GAREM1: variants seen among roughly 807,000 people sequenced by gnomAD.
The protein encoded by GAREM1 is GRB2 associated regulator of MAPK1 subtype 1, also known as GRB2-associated and regulator of MAPK protein 1.
A neutral mutation model predicts 71.3 loss-of-function variants in GAREM1; 26 were observed. The ratio of observed to expected loss-of-function variants is 0.36; its 90% confidence interval spans 0.27 to 0.51. GAREM1 has a LOEUF of 0.51. Ranked by LOEUF, GAREM1 falls within the 20% of genes least tolerant of loss-of-function variation. The pLI, the probability that GAREM1 is intolerant of heterozygous loss-of-function variation, is 0.95. For missense variants in GAREM1, 1,026 were observed against 1,103.1 expected (o/e 0.93, Z 0.99); for synonymous variants, 440 against 433.2 (o/e 1.02, Z -0.20).
intron 1 of GAREM1, among the ~76,000 whole-genome samples, chr18:32,463,156 G>A (rs1198174947): frequency 2.0e-5 from 3 of 152,014 alleles, no homozygotes; most frequent in South Asian, 4.2e-4. Context: ...TGCATAATGT[G>A]TACATATACT....
intron 2 of GAREM1, among the ~76,000 whole-genome samples, chr18:32,343,088 T>C (rs770234985): frequency 2.0e-5 from 3 of 152,238 alleles, no homozygotes; most frequent in Non-Finnish European, 2.9e-5. Flanking sequence ...TAGGAACTGC[T>C]ATCTTCCCAA....
Position 32,268,009 on chromosome 18 carries a change from T to C in GAREM1, c.2493A>G (p.Ser831=), listed in dbSNP as rs2041398729. The change falls in exon 6 of 6, where the codon TCA becomes TCG. Residue 831 remains serine (S), a synonymous_variant. Transcript: ENST00000269209. ...CATCAATCTTTTCAGTAACAAAGAA[T>C]GATATGACATCTTCGGACAAACCAA... is the stretch of plus-strand genomic sequence containing the variant. ...RFIGLSEDVI[S]FFVTEKIDGN... 5 of 1,614,130 alleles carry C rather than the reference T, an allele frequency of 3.1e-6. No individual in the cohort carries two copies. The highest frequency in any genetic ancestry group is 1.6e-4 in the Middle Eastern group (1 of 6,062).
intron 2 of GAREM1, among the ~76,000 whole-genome samples, chr18:32,329,543 CA>C (rs1464886954): frequency 6.6e-6 from 1 of 150,908 alleles, no homozygotes; most frequent in Non-Finnish European, 1.5e-5. Context: ...CTGTCTCTAC[CA>C]AAAATACAAA....
At chr18:32,282,139 T>G (rs1272319898) in intron 4 of GAREM1, among the ~76,000 whole-genome samples, 1 of 152,136 alleles carries the variant, frequency 6.6e-6, no homozygotes, top group African/African-American at 2.4e-5. Flanking sequence ...TCAGCCCGCC[T>G]GCACCCAGGT....
chr18:32,370,435 A>C (rs2047966971), intron 2 of GAREM1, among the ~76,000 whole-genome samples: 2 of 152,088 alleles, frequency 1.3e-5, no homozygotes, highest in Admixed American at 6.5e-5. Context: ...AAAAAAAAAA[A>C]AAAGCGTAAG....
chr18:32,270,304 A>T lies in GAREM1; in HGVS notation c.1646T>A (p.Ile549Asn), dbSNP rs1305112927. Residue 549 changes from isoleucine to asparagine, a missense_variant, in exon 5 of 6, where the codon ATC becomes AAC. Physicochemically the swap from Ile to Asn is moderately radical, Grantham distance 149. Around this residue, in one of 3 missense-constraint regions of GAREM1, gnomAD observed 636 missense variants for 631.2 expected, o/e 1.01. Transcript: ENST00000269209. Reference protein sequence around the residue: ...SAKPLSTSPSIPPRTVKPARQ... With the variant: ...SAKPLSTSPSNPPRTVKPARQ... Reference sequence around the variant, plus strand: ...CGCTGGCTTGACTGTGCGAGGAGGGATGGAGGGACTGGTGGACAAAGGCTT... The same window carrying T: ...CGCTGGCTTGACTGTGCGAGGAGGGTTGGAGGGACTGGTGGACAAAGGCTT... 1 of 1,613,922 alleles carries T rather than the reference A, an allele frequency of 6.2e-7. No homozygotes were observed. Among genetic ancestry groups the T allele is most frequent in the South Asian group, 1.1e-5 (1 of 91,028 alleles).
intron 2 of GAREM1, among the ~76,000 whole-genome samples, chr18:32,364,022 ATATATGTTTT>A (rs2047901186): frequency 1.9e-5 from 1 of 52,104 alleles, no homozygotes; most frequent in African/African-American, 1.5e-4. Flanking sequence ...ATATATATAT[ATATATGTTTT>A]TTTTTTTTTT....
At chr18:32,431,533 C>T (rs10468833) in intron 1 of GAREM1, among the ~76,000 whole-genome samples, 32,893 of 152,028 alleles carry the variant, frequency 0.22, 4,206 homozygotes, top group East Asian at 0.38. Context: ...AAGGCTGAGG[C>T]AGGAGAATCG....
chr18:32,413,155 T>C, intron 1 of GAREM1: 2 of 1,572,006 alleles, frequency 1.3e-6, no homozygotes, highest in Non-Finnish European at 1.7e-6. Flanking sequence ...TCGGGCTCTT[T>C]AGGAGACTCT....
intron 2 of GAREM1, among the ~76,000 whole-genome samples, chr18:32,339,294 C>T (rs1464376617): frequency 6.6e-6 from 1 of 152,082 alleles, no homozygotes; most frequent in Non-Finnish European, 1.5e-5. Flanking sequence ...CCAGGTCCAC[C>T]GCCCACTGAT....
chr18:32,389,993 C>A (rs1008630697), intron 2 of GAREM1, among the ~76,000 whole-genome samples: 10 of 152,028 alleles, frequency 6.6e-5, no homozygotes, highest in African/African-American at 2.4e-4. Context: ...AAAGCGAGAA[C>A]TGGTATCTAC....
chr18:32,378,685 G>C (rs1264186292), intron 2 of GAREM1, among the ~76,000 whole-genome samples: 1 of 152,046 alleles, frequency 6.6e-6, no homozygotes, highest in Non-Finnish European at 1.5e-5. Context: ...AATACTGGCT[G>C]ACAAGAGGGT....
At chr18:32,385,102 T>C (rs988173508) in intron 2 of GAREM1, among the ~76,000 whole-genome samples, 1 of 152,118 alleles carries the variant, frequency 6.6e-6, no homozygotes, top group South Asian at 2.1e-4. Context: ...TCTAGAAAGA[T>C]TTCTCAGATT....
intron 1 of GAREM1, among the ~76,000 whole-genome samples, chr18:32,410,384 T>A (rs2048404695): frequency 6.6e-6 from 1 of 152,224 alleles, no homozygotes; most frequent in African/African-American, 2.4e-5. Flanking sequence ...AGTCTCACTC[T>A]GTTGCCCAGC....
At chr18:32,364,545 G>A (rs2047910365) in intron 2 of GAREM1, among the ~76,000 whole-genome samples, 1 of 152,100 alleles carries the variant, frequency 6.6e-6, no homozygotes, top group Non-Finnish European at 1.5e-5. Flanking sequence ...AAAGTCTGTT[G>A]TGCACAGCAC....
chr18:32,429,158 A>G (rs2048601715), intron 1 of GAREM1, among the ~76,000 whole-genome samples: 1 of 152,180 alleles, frequency 6.6e-6, no homozygotes, highest in South Asian at 2.1e-4. Flanking sequence ...TCCATCAATT[A>G]AAGGGAAATG....
At chr18:32,320,637 G>C (rs537724150) in intron 2 of GAREM1, among the ~76,000 whole-genome samples, 25 of 152,136 alleles carry the variant, frequency 1.6e-4, no homozygotes, top group Non-Finnish European at 3.7e-4. Context: ...TTCTCCATCT[G>C]AGATTTTATA....
intron 1 of GAREM1, among the ~76,000 whole-genome samples, chr18:32,415,375 G>A (rs1479007253): frequency 6.6e-6 from 1 of 151,934 alleles, no homozygotes; most frequent in Non-Finnish European, 1.5e-5. Context: ...GTGTTACCCT[G>A]ATACCCAAAC....
At position 32,287,982 on chromosome 18, in the gene GAREM1, G is replaced by C. The variant is rs150730510; in HGVS notation, c.615C>G (p.Thr205=). 1.9e-6 allele frequency: 3 copies of C among 1,614,040 alleles called. No individual in the cohort carries two copies. Among genetic ancestry groups the C allele is most frequent in the Non-Finnish European group, 2.5e-6 (3 of 1,180,002 alleles). The part of the protein sequence containing the change: ...MPCLICMNHR[T]NESISLPFQC... ...GGAATGGAAGGCTAATGCTTTCGTT[G>C]GTCCGGTGATTCATACAAATGAGGC... Residue 205 remains threonine (T), a synonymous_variant, in exon 4 of 6, where the codon ACC becomes ACG. Transcript: ENST00000269209. The surrounding 1 kb of genome is among the most constrained non-coding windows in gnomAD (Gnocchi z 5.9).
Sources: gnomAD v4.1 joint callset for allele counts (sites outside exome capture counted in the v4.1 genomes callset) on GRCh38, gnomAD v4.1.1 for gene constraint, gnomAD v4.1.1 regional missense constraint, Gnocchi (gnomAD v3.1) non-coding constraint, MANE v1.5 for transcripts, NCBI Gene and HGNC (gene_info 2026-07-23, HGNC 2026-07-21) for gene names.